The following ERC1 variants were observed in gnomAD, a reference collection of about 807,000 sequenced individuals.
ERC1 encodes the protein RAB6 interacting protein 2.
Under a neutral mutation model 132.0 loss-of-function variants are expected in ERC1, and 56 were observed. That is an observed-to-expected ratio of 0.42 (90% CI 0.34 to 0.53). The LOEUF is 0.53. ERC1 is among the 20% of genes least tolerant of loss of function. ERC1 has a pLI of 0.03. For missense variants in ERC1, 1,202 were observed against 1,349.9 expected (o/e 0.89, Z 1.72); for synonymous variants, 478 against 476.1 (o/e 1.00, Z -0.05).
intron 14 of ERC1, among the ~76,000 whole-genome samples, chr12:1,269,018 A>C (rs1398602333): frequency 6.6e-6 from 1 of 152,248 alleles, no homozygotes; most frequent in Non-Finnish European, 1.5e-5. Context: ...TGTTCAAGGA[A>C]GTAGAGAACC....
At chr12:1,043,994 C>G (rs189212099) in intron 2 of ERC1, among the ~76,000 whole-genome samples, 176 of 151,522 alleles carry the variant, frequency 1.2e-3, no homozygotes, top group Non-Finnish European at 2.1e-3. Context: ...TTTTTTGAAA[C>G]CGTATGTGGG....
At chr12:1,042,536 G>GCCA (rs1970420213) in intron 2 of ERC1, among the ~76,000 whole-genome samples, 5 of 151,048 alleles carry the variant, frequency 3.3e-5, no homozygotes, top group South Asian at 2.1e-4. Flanking sequence ...AGTAGAGACA[G>GCCA]GGTTTCACTA....
intron 2 of ERC1, among the ~76,000 whole-genome samples, chr12:1,031,752 C>T (rs1354552040): frequency 1.3e-5 from 2 of 151,970 alleles, no homozygotes; most frequent in Non-Finnish European, 2.9e-5. Flanking sequence ...TTAGAAAGTT[C>T]TTTGAGTTTG....
chr12:1,091,267 C>G (rs779696412), intron 3 of ERC1, among the ~76,000 whole-genome samples: 4 of 152,094 alleles, frequency 2.6e-5, no homozygotes, highest in African/African-American at 4.8e-5. Context: ...TGCATCAGCA[C>G]TGTTCAGAAA....
intron 13 of ERC1, chr12:1,244,650 T>C (rs1443821195): frequency 1.2e-5 from 5 of 415,830 alleles, no homozygotes; most frequent in African/African-American, 1.0e-4. Context: ...GCCACCCGAG[T>C]AGCTGGGATT....
intron 7 of ERC1, among the ~76,000 whole-genome samples, chr12:1,117,414 T>C (rs1161985519): frequency 2.0e-5 from 3 of 152,234 alleles, no homozygotes; most frequent in Non-Finnish European, 4.4e-5. Flanking sequence ...TTACACTTTT[T>C]CTATTTTAGT....
At chr12:1,395,093 T>A (rs2090418492) in intron 16 of ERC1, among the ~76,000 whole-genome samples, 2 of 152,342 alleles carry the variant, frequency 1.3e-5, no homozygotes, top group Middle Eastern at 3.4e-3. Flanking sequence ...ACATTAAAAC[T>A]AGAATTGGAT....
At chr12:1,170,907 TATA>T (rs1295541902) in intron 8 of ERC1, among the ~76,000 whole-genome samples, 1 of 152,238 alleles carries the variant, frequency 6.6e-6, no homozygotes, top group African/African-American at 2.4e-5. Context: ...AAAGATAAAA[TATA>T]GTAGTATTCT....
chr12:1,273,727 A>ATGGG (rs925152128), intron 14 of ERC1, among the ~76,000 whole-genome samples: 2 of 152,120 alleles, frequency 1.3e-5, no homozygotes, highest in African/African-American at 2.4e-5. Context: ...TGTTGGACAG[A>ATGGG]TGGGTGGGTG....
At chr12:1,050,068 C>A (rs992519142) in intron 2 of ERC1, among the ~76,000 whole-genome samples, 1 of 152,064 alleles carries the variant, frequency 6.6e-6, no homozygotes, top group African/African-American at 2.4e-5. Context: ...GAATTGCCTT[C>A]AGAGGGTAGC....
chr12:1,017,951 G>A (rs759334739), intron 1 of ERC1, among the ~76,000 whole-genome samples: 6 of 152,098 alleles, frequency 3.9e-5, no homozygotes, highest in African/African-American at 7.2e-5. Context: ...TATTTTCTGC[G>A]TGTGATTGCT....
chr12:1,179,799 G>A (rs74623102), intron 8 of ERC1, among the ~76,000 whole-genome samples: 7 of 144,266 alleles, frequency 4.9e-5, no homozygotes, highest in East Asian at 2.0e-4. Context: ...GAGCCACCGC[G>A]CCCGGCCTCA....
intron 12 of ERC1, among the ~76,000 whole-genome samples, chr12:1,219,452 C>T (rs112244081): frequency 3.2e-4 from 49 of 152,204 alleles, no homozygotes; most frequent in Admixed American, 2.0e-3. Context: ...TTACTCCCTA[C>T]GTTAAATCTA....
At chr12:1,190,289 CA>C (rs145769390) in intron 12 of ERC1, 1 of 612,786 alleles carries the variant, frequency 1.6e-6, no homozygotes, top group Admixed American at 2.2e-5. Context: ...AATTGATTGG[CA>C]AAAAAGAGAG....
chr12:1,146,308 G>GT (rs1172108036), intron 8 of ERC1, among the ~76,000 whole-genome samples: 1,580 of 31,756 alleles, frequency 0.05, 120 homozygotes, highest in Middle Eastern at 0.071. Context: ...TATTTTACTG[G>GT]TTTTTTTTTT....
rs1368178259 is a variant in ERC1 at position 1,289,998 on chromosome 12, A to G, written c.2766A>G (p.Glu922=). The change falls in exon 15 of 19, where the codon GAA becomes GAG. Residue 922 remains glutamate, a synonymous_variant. Transcript: ENST00000360905. ...LRAERRKHLE[E]VLEMKQEALL... Reference sequence around the variant, plus strand: ...CAGAGAGAAGGAAACACTTAGAGGAAGTTCTGGAGATGAAGTAAGTGTTTG... The same window carrying G: ...CAGAGAGAAGGAAACACTTAGAGGAGGTTCTGGAGATGAAGTAAGTGTTTG... 3 of 1,613,816 alleles carry G rather than the reference A, an allele frequency of 1.9e-6. No homozygotes were observed. Among genetic ancestry groups the G allele is most frequent in the East Asian group, 4.5e-5 (2 of 44,898 alleles).
chr12:1,411,823 C>T (rs1261621497), intron 17 of ERC1, among the ~76,000 whole-genome samples: 2 of 152,052 alleles, frequency 1.3e-5, no homozygotes, highest in Non-Finnish European at 2.9e-5. Flanking sequence ...GTCGCAAATC[C>T]TTTTTCTGGC....
chr12:990,689 T>C (rs1959173211), upstream of ERC1: 1 of 152,204 alleles, frequency 6.6e-6, no homozygotes, highest in Non-Finnish European at 1.5e-5. Context: ...AAAAACCAGC[T>C]TTCTTGGGAC....
Position 991,259 on chromosome 12 carries a change from C to CGGTAGTGGCGGCGGCGGT in ERC1, c.-203_-202insTGGTAGTGGCGGCGGCGG. ...GGCCGTGCTGTGGCGGCGGCGGCGG[C>CGGTAGTGGCGGCGGCGGT]GGTAGTGGCGGCGGCGGCGGTGCCT... On this transcript the variant is annotated 5_prime_UTR_variant, in exon 1 of 19. Coordinates refer to ENST00000360905, the MANE Select transcript of ERC1 (RefSeq NM_178040.4). 6.1e-6 allele frequency: 1 copy of CGGTAGTGGCGGCGGCGGT among 165,228 alleles called. No individual in the cohort carries two copies. Among genetic ancestry groups the CGGTAGTGGCGGCGGCGGT allele is most frequent in the Non-Finnish European group, 1.2e-5 (1 of 80,112 alleles). 10.2% of individuals were successfully genotyped at this position (165,228 alleles called of 1,614,324 possible). A position where few individuals can be genotyped will look rare whatever the true frequency, so the allele number is the denominator to read the frequency against.
Sources: allele counts gnomAD v4.1 joint callset (sites outside exome capture counted in the v4.1 genomes callset), GRCh38; gene constraint gnomAD v4.1.1; transcripts MANE v1.5; gene names NCBI Gene and HGNC (gene_info 2026-07-23, HGNC 2026-07-21).